Variants in PREP observed in about 807,000 individuals in gnomAD.
The protein encoded by PREP is prolyl endopeptidase, also known as dJ355L5.1 (prolyl endopeptidase).
PREP carries 29 observed loss-of-function variants against 87.6 expected under a neutral mutation model. The observed-to-expected ratio is 0.33, with a 90% confidence interval of 0.25 to 0.45. The LOEUF is 0.45. Ranked by LOEUF, PREP falls within the 20% of genes least tolerant of loss-of-function variation. The probability of loss-of-function intolerance (pLI) is 1.00; values close to 1 mark genes in which losing one functional copy is unlikely to be tolerated. For missense variants in PREP, 695 were observed against 886.5 expected, an observed-to-expected ratio of 0.78 and a Z score of 2.74; for synonymous variants, 337 against 328.6, an observed-to-expected ratio of 1.03 and a Z score of -0.28.
chr6:105,342,066 G>C (rs964597916), intron 7 of PREP, among the ~76,000 whole-genome samples: 2 of 152,230 alleles, frequency 1.3e-5, no homozygotes, highest in Admixed American at 1.3e-4. Context: ...CCAAAGCCTG[G>C]CAGAGACACA....
At chr6:105,392,087 C>A (rs1354936204) in intron 2 of PREP, among the ~76,000 whole-genome samples, 1 of 150,080 alleles carries the variant, frequency 6.7e-6, no homozygotes, top group African/African-American at 2.5e-5. Flanking sequence ...CTCTGTCACC[C>A]AGGCTGGAGT....
chr6:105,327,643 C>T (rs1468870683), intron 9 of PREP, among the ~76,000 whole-genome samples: 1 of 152,140 alleles, frequency 6.6e-6, no homozygotes. Context: ...GAGGACAGGG[C>T]CACTTGAGCA....
chr6:105,292,697 A>G (rs1330415501), intron 10 of PREP, among the ~76,000 whole-genome samples: 1 of 152,218 alleles, frequency 6.6e-6, no homozygotes, highest in Non-Finnish European at 1.5e-5. Flanking sequence ...AAAGTCTGAG[A>G]TGATATCTTC....
chr6:105,285,243 A>C (rs1209452359), intron 12 of PREP, among the ~76,000 whole-genome samples: 1 of 152,238 alleles, frequency 6.6e-6, no homozygotes, highest in South Asian at 2.1e-4. Flanking sequence ...CAAAATAACA[A>C]GGAATGCTTC....
intron 10 of PREP, among the ~76,000 whole-genome samples, chr6:105,320,925 C>T (rs1449306897): frequency 6.6e-6 from 1 of 152,220 alleles, no homozygotes; most frequent in African/African-American, 2.4e-5. Flanking sequence ...GTTGGCAACA[C>T]TGCCAAGAGC....
rs1269763403 is a variant in PREP, at chr6:105,368,782, CA to C, written c.717+120del. ...TCAATCTGAATACCAATATTTTTAACAAAAGAATATTCACTCATGGGACTTC... is the reference window on the plus strand; with the variant it reads ...TCAATCTGAATACCAATATTTTTAACAAAGAATATTCACTCATGGGACTTC... On this transcript the variant is annotated intron_variant, in intron 6 of 14. Transcript: ENST00000652536. The C allele has an allele frequency of 1.9e-5, 23 of 1,216,338 alleles. No individual in the cohort carries two copies. The African/African-American group carries it at 3.5e-4, about 18-fold the overall frequency. 75.3% of individuals were successfully genotyped at this position (1,216,338 alleles called of 1,614,324 possible).
chr6:105,357,480 T>C (rs899005061), intron 6 of PREP, among the ~76,000 whole-genome samples: 1 of 152,214 alleles, frequency 6.6e-6, no homozygotes, highest in Admixed American at 6.5e-5. Context: ...ATAACGCCAA[T>C]TAAGTCAGTC....
At chr6:105,304,173 TAAC>T (rs951543953) in intron 10 of PREP, among the ~76,000 whole-genome samples, 3 of 152,200 alleles carry the variant, frequency 2.0e-5, no homozygotes, top group African/African-American at 4.8e-5. Context: ...CAGGAGAGTA[TAAC>T]AACTATTTAC....
At position 105,276,888 on chromosome 6, in the gene PREP, G is replaced by GAA. The variant is rs1478333023; in HGVS notation, c.*1254_*1255dup. 1.3e-5 allele frequency among the ~76,000 whole-genome samples: 2 copies of GAA among 152,036 alleles called. No homozygotes were observed. The highest frequency in any genetic ancestry group is 2.1e-4 in the South Asian group (1 of 4,816). ...CAACTTGGAAGATGGGACTTACTTG[G>GAA]AAAAGTACAAATTATTGGAATAATG... On this transcript the variant is annotated 3_prime_UTR_variant, in exon 15 of 15. Coordinates refer to ENST00000652536, the MANE Select transcript of PREP (RefSeq NM_002726.5).
Position 105,402,934 on chromosome 6 carries a change from CG to C in PREP, c.-44del. 3.9e-6 allele frequency: 5 copies of C among 1,268,030 alleles called. No homozygotes were observed. The highest frequency in any genetic ancestry group is 4.3e-6 in the Non-Finnish European group (4 of 927,662). 78.5% of individuals were successfully genotyped at this position (1,268,030 alleles called of 1,614,324 possible). ...GGGCAGCGTGGAGGGGCGCGGGCTC[CG>C]GGAGCGGACCTGAGCTAGCCGGGCT... On this transcript the variant is annotated 5_prime_UTR_variant, in exon 1 of 15. Coordinates refer to ENST00000652536, the MANE Select transcript of PREP (RefSeq NM_002726.5).
intron 2 of PREP, among the ~76,000 whole-genome samples, chr6:105,388,968 C>T (rs977014688): frequency 1.3e-5 from 2 of 152,218 alleles, no homozygotes; most frequent in African/African-American, 4.8e-5. Flanking sequence ...ACCACACTTA[C>T]AAGTCACAGT....
intron 10 of PREP, 71 bp from the exon 11 acceptor site, chr6:105,288,965 A>G: frequency 6.9e-7 from 1 of 1,450,102 alleles, no homozygotes; most frequent in Non-Finnish European, 9.5e-7. Flanking sequence ...TAAATGGGAA[A>G]AATAGTAAAT....
intron 2 of PREP, among the ~76,000 whole-genome samples, chr6:105,391,074 T>A (rs956409401): frequency 1.4e-5 from 2 of 146,968 alleles, no homozygotes; most frequent in South Asian, 2.1e-4. Context: ...TTTTTTTTTT[T>A]AATTAAGAGA....
chr6:105,356,580 C>T (rs751199100), intron 6 of PREP, among the ~76,000 whole-genome samples: 2 of 152,202 alleles, frequency 1.3e-5, no homozygotes, highest in Non-Finnish European at 2.9e-5. Context: ...GATTTCCAAT[C>T]TTTGGATCAT....
intron 10 of PREP, among the ~76,000 whole-genome samples, chr6:105,307,559 T>G (rs1270781358): frequency 6.6e-6 from 1 of 152,190 alleles, no homozygotes; most frequent in Non-Finnish European, 1.5e-5. Flanking sequence ...TGCATAGTGC[T>G]TAATAAATAT....
In PREP at chr6:105,328,828, C is replaced by A; in HGVS notation, c.1213+1G>T. 1 of 1,613,822 alleles carries A rather than the reference C, an allele frequency of 6.2e-7. No individual in the cohort carries two copies. Among genetic ancestry groups the A allele is most frequent in the Non-Finnish European group, 8.5e-7 (1 of 1,179,778 alleles). On this transcript the variant is annotated splice_donor_variant, in intron 9 of 14. Coordinates refer to ENST00000652536, the MANE Select transcript of PREP (RefSeq NM_002726.5). LOFTEE classifies it high-confidence loss of function. ...AACAGCAACAGTGAAAAAACACTTA[C>A]CTGGAGATAAAAAGGAAGTAAACTG...
At chr6:105,387,485 G>A (rs1445002156) in intron 2 of PREP, among the ~76,000 whole-genome samples, 2 of 151,996 alleles carry the variant, frequency 1.3e-5, no homozygotes, top group African/African-American at 4.8e-5. Flanking sequence ...GAACCAATGG[G>A]GCTGGAGTCT....
At chr6:105,292,513 T>G (rs1217865150) in intron 10 of PREP, among the ~76,000 whole-genome samples, 2 of 152,226 alleles carry the variant, frequency 1.3e-5, no homozygotes, top group East Asian at 3.9e-4. Context: ...TGTAAACAGA[T>G]GTGCTGTCAC....
chr6:105,284,718 T>C (rs1431415960), intron 12 of PREP, among the ~76,000 whole-genome samples: 2 of 152,188 alleles, frequency 1.3e-5, no homozygotes, highest in Non-Finnish European at 2.9e-5. Context: ...GGTTAGTCTA[T>C]GAATTCAATT....
Sources: gnomAD v4.1 joint callset for allele counts (sites outside exome capture counted in the v4.1 genomes callset) on GRCh38, gnomAD v4.1.1 for gene constraint, MANE v1.5 for transcripts, NCBI Gene and HGNC (gene_info 2026-07-23, HGNC 2026-07-21) for gene names.